The following DYNC2H1 variants were observed in gnomAD, a reference collection of about 807,000 sequenced individuals.
DYNC2H1 encodes the protein cytoplasmic dynein 2 heavy chain 1.
In DYNC2H1, 410 loss-of-function variants were observed where a neutral mutation model predicts 570.0. The ratio of observed to expected loss-of-function variants is 0.72; its 90% CI spans 0.66 to 0.78. The LOEUF is 0.78. Among genes scored for constraint, DYNC2H1 ranks in the 30% least tolerant of loss-of-function variants. The pLI is 0.00. For missense variants in DYNC2H1, 4,865 were observed against 5,046.4 expected, an observed-to-expected ratio of 0.96 and a Z score of 1.09; for synonymous variants, 1,688 against 1,677.6, an observed-to-expected ratio of 1.01 and a Z score of -0.15.
Position 103,109,710 on chromosome 11 carries a change from G to T in DYNC2H1, c.136G>T (p.Gly46Cys), listed in dbSNP as rs184263752. 4 of 1,613,742 alleles carry T rather than the reference G, an allele frequency of 2.5e-6. No homozygotes were observed. The highest frequency in any genetic ancestry group is 2.5e-6 in the Non-Finnish European group (3 of 1,179,874). Residue 46 changes from glycine to cysteine, a missense_variant, in exon 1 of 89, where the codon GGC becomes TGC. Physicochemically the swap from Gly to Cys is radical, Grantham distance 159 (BLOSUM62 -3). This residue lies in a region of DYNC2H1 where 1,936 missense variants were observed against 1,962.1 expected (regional missense o/e 0.99). Transcript: ENST00000375735. ...CLEINNFLDD[G>C]NQMLLRVQRS... Reference sequence around the variant, plus strand: ...TGAAATCAACAACTTCTTGGATGACGGCAACCAGATGCTCCTCAGGGTGCA... The same window carrying T: ...TGAAATCAACAACTTCTTGGATGACTGCAACCAGATGCTCCTCAGGGTGCA...
chr11:103,180,132 G>A (rs149881847), intron 39 of DYNC2H1, among the ~76,000 whole-genome samples: 8 of 151,434 alleles, frequency 5.3e-5, no homozygotes, highest in African/African-American at 1.2e-4. Flanking sequence ...ATATAATTTT[G>A]GGTTTACTGC....
intron 85 of DYNC2H1, among the ~76,000 whole-genome samples, chr11:103,449,873 G>A (rs912066438): frequency 3.9e-5 from 6 of 151,956 alleles, no homozygotes; most frequent in African/African-American, 1.5e-4. Flanking sequence ...AAATTGATAG[G>A]TATTTTAAAG....
intron 69 of DYNC2H1, among the ~76,000 whole-genome samples, chr11:103,259,254 G>A (rs1865176040): frequency 6.6e-6 from 1 of 152,038 alleles, no homozygotes; most frequent in Non-Finnish European, 1.5e-5. Flanking sequence ...TAAGGGAAAA[G>A]GACAGGTTGA....
chr11:103,143,138 A>C, intron 17 of DYNC2H1, 130 bp from the exon 18 acceptor site: 2 of 833,836 alleles, frequency 2.4e-6, no homozygotes, highest in Non-Finnish European at 3.7e-6. Flanking sequence ...TGATTATATT[A>C]CTTAAATTGA....
intron 70 of DYNC2H1, among the ~76,000 whole-genome samples, chr11:103,263,559 A>C (rs764585064): frequency 6.6e-6 from 1 of 152,184 alleles, no homozygotes; most frequent in Non-Finnish European, 1.5e-5. Context: ...TAAGAAACTC[A>C]CTCAAAACTG....
At chr11:103,190,018 G>A (rs968124098) in intron 45 of DYNC2H1, among the ~76,000 whole-genome samples, 1 of 152,238 alleles carries the variant, frequency 6.6e-6, no homozygotes, top group Non-Finnish European at 1.5e-5. Flanking sequence ...ATAGGCACTC[G>A]ATATTTGTTG....
rs376067770 is a variant in DYNC2H1 at position 103,253,278 on chromosome 11, T to A, written c.10043-7T>A. 653 of 1,596,504 alleles carry A rather than the reference T, an allele frequency of 4.1e-4. 3 individuals carry two copies. Among genetic ancestry groups the A allele is most frequent in the Non-Finnish European group, 5.4e-4 (632 of 1,171,044 alleles). On this transcript the variant is annotated splice_region_variant and splice_polypyrimidine_tract_variant and intron_variant, in intron 65 of 88. Transcript: ENST00000375735. ...AGACCAACCAATTGTGTGTTTTTTTTAAATAGGACCACGTTATGTGGTACA... is the reference window on the plus strand; with the variant it reads ...AGACCAACCAATTGTGTGTTTTTTTAAAATAGGACCACGTTATGTGGTACA...
At chr11:103,316,683 C>G (rs1274175199) in intron 80 of DYNC2H1, 63 bp downstream of exon 80, 1 of 1,258,284 alleles carries the variant, frequency 7.9e-7, no homozygotes, top group Admixed American at 3.3e-5. Context: ...GTCTTATTAA[C>G]TATGTTTTCT....
chr11:103,358,130 AT>A (rs1453660872), intron 82 of DYNC2H1, 112 bp from the exon 83 acceptor site: 1 of 584,436 alleles, frequency 1.7e-6, no homozygotes, highest in African/African-American at 1.9e-5. Context: ...TGTTGACAAC[AT>A]TTTTGGTCTC....
chr11:103,437,438 G>T (rs535112007), intron 85 of DYNC2H1, among the ~76,000 whole-genome samples: 1 of 152,024 alleles, frequency 6.6e-6, no homozygotes, highest in Non-Finnish European at 1.5e-5. Context: ...TCCTTTGAAG[G>T]CACCAGGACT....
In DYNC2H1 at chr11:103,199,589, T is replaced by C. The variant is rs2135080437; in HGVS notation, c.8088+113T>C. The stretch of plus-strand genomic sequence containing the variant: ...GAACTAAAGTTTTAAAGAACATCTT[T>C]AAAGAACTAAAGTTCTCTGTTATAC... On this transcript the variant is annotated intron_variant, in intron 49 of 88. Coordinates refer to ENST00000375735, the MANE Select transcript of DYNC2H1 (RefSeq NM_001377.3). The surrounding 1 kb of genome is among the most constrained non-coding windows in gnomAD (Gnocchi z 4.6). 1 of 989,788 alleles carries C rather than the reference T, an allele frequency of 1.0e-6. No individual in the cohort carries two copies. The highest frequency in any genetic ancestry group is 3.1e-5 in the South Asian group (1 of 32,168). 61.3% of individuals were successfully genotyped at this position (989,788 alleles called of 1,614,324 possible).
At position 103,151,426 on chromosome 11, in the gene DYNC2H1, A is replaced by G. The variant is rs1860531340; in HGVS notation, c.2947-710A>G. On this transcript the variant is annotated intron_variant, in intron 20 of 88. Transcript: ENST00000375735. This position sits in a 1 kb window ranked among gnomAD's most constrained non-coding sequence, Gnocchi z 4.6. ...AATTTCCTTTGTTGTCTGTTTTATT[A>G]TATATGCATACTGATATTTAAAAAT... Among the ~76,000 whole-genome samples, 2 of 152,180 alleles carry G rather than the reference A, an allele frequency of 1.3e-5. No homozygotes were observed. Among genetic ancestry groups the G allele is most frequent in the African/African-American group, 2.4e-5 (1 of 41,454 alleles).
intron 83 of DYNC2H1, among the ~76,000 whole-genome samples, chr11:103,393,033 A>G (rs566933335): frequency 6.6e-6 from 1 of 152,106 alleles, no homozygotes; most frequent in Admixed American, 6.5e-5. Flanking sequence ...ACAGGTGTGC[A>G]CCACCATGCC....
rs572984788 is a variant in DYNC2H1, at chr11:103,160,464, AAT to A, written c.4379-463_4379-462del. 2.4e-3 allele frequency among the ~76,000 whole-genome samples: 361 copies of A among 152,152 alleles called. 1 individual carries two copies. Among genetic ancestry groups the A allele is most frequent in the African/African-American group, 7.9e-3 (329 of 41,548 alleles). ...TTTGGAATTGCTAAGTCATATAGTA[AAT>A]ATATGTTTAACTTTTTTAGAAACTG... On this transcript the variant is annotated intron_variant, in intron 28 of 88. Transcript: ENST00000375735.
At chr11:103,330,472 G>A (rs995229761) in intron 82 of DYNC2H1, among the ~76,000 whole-genome samples, 5 of 138,148 alleles carry the variant, frequency 3.6e-5, no homozygotes, top group African/African-American at 5.1e-5. Context: ...AATTAAAAAC[G>A]TAATTGTAGT....
At chr11:103,386,999 C>T (rs1023496275) in intron 83 of DYNC2H1, among the ~76,000 whole-genome samples, 2 of 151,808 alleles carry the variant, frequency 1.3e-5, no homozygotes, top group South Asian at 2.1e-4. Flanking sequence ...GATTTATAAT[C>T]CTTTGGGTAT....
rs1261404836 is a variant in DYNC2H1, at chr11:103,177,732, A to G, written c.6051A>G (p.Gln2017=). 6.2e-6 allele frequency: 10 copies of G among 1,613,416 alleles called. No homozygotes were observed. In the Admixed American group the frequency reaches 6.7e-5, roughly 11 times the overall value. Residue 2017 remains glutamine (Q), a synonymous_variant, in exon 38 of 89, where the codon CAA becomes CAG. Coordinates refer to ENST00000375735, the MANE Select transcript of DYNC2H1 (RefSeq NM_001377.3). The surrounding 1 kb of genome is among the most constrained non-coding windows in gnomAD (Gnocchi z 4.4). The stretch of plus-strand genomic sequence containing the variant: ...ATCCCAAAGCTATGCCTCGATATCA[A>G]TTATTAGGCCATATTGACATGGACA... ...TMNPKAMPRY[Q]LLGHIDMDTR...
rs1866450594 is a variant in DYNC2H1, at chr11:103,288,684, T to TAAAAAAAAAAAAAAGAAAAAAAAA, written c.11095+1093_11095+1094insGAAAAAAAAAAAAAAAAAAAAAAA. Among the ~76,000 whole-genome samples the TAAAAAAAAAAAAAAGAAAAAAAAA allele has an allele frequency of 8.2e-4, 23 of 27,906 alleles. 1 individual carries two copies. The highest frequency in any genetic ancestry group is 1.1e-3 in the Non-Finnish European group (18 of 16,734). 18.3% of individuals were successfully genotyped at this position (27,906 alleles called of 152,430 possible). Reference sequence around the variant, plus strand: ...CTACATGGTGAAACCCCGTCTCTACTAAAAAAAAAAAAAAAAAAAAAAAAA... The same window carrying TAAAAAAAAAAAAAAGAAAAAAAAA: ...CTACATGGTGAAACCCCGTCTCTACTAAAAAAAAAAAAAAGAAAAAAAAAAAAAAAAAAAAAAAAAAAAAAAAAA... On this transcript the variant is annotated intron_variant, in intron 75 of 88. Coordinates refer to ENST00000375735, the MANE Select transcript of DYNC2H1 (RefSeq NM_001377.3).
At chr11:103,412,971 G>A (rs1943143713) in intron 84 of DYNC2H1, among the ~76,000 whole-genome samples, 2 of 152,054 alleles carry the variant, frequency 1.3e-5, no homozygotes. Flanking sequence ...AGCATCACCT[G>A]AGACCTTGGC....
Sources: allele counts gnomAD v4.1 joint callset (sites outside exome capture counted in the v4.1 genomes callset), GRCh38; gene constraint gnomAD v4.1.1; regional missense constraint gnomAD v4.1.1; non-coding constraint Gnocchi (gnomAD v3.1); transcripts MANE v1.5; gene names NCBI Gene and HGNC (gene_info 2026-07-23, HGNC 2026-07-21).